The following BBS7 variants were observed in gnomAD, a reference collection of about 807,000 sequenced individuals.
BBS7 encodes BBSome complex member BBS7.
BBS7 carries 50 observed loss-of-function variants against 90.3 expected under a neutral mutation model. The ratio of observed to expected loss-of-function variants is 0.55; its 90% CI spans 0.44 to 0.70. BBS7 has a LOEUF of 0.70. BBS7 is among the 30% of genes least tolerant of loss of function. BBS7 has a pLI of 0.00. For synonymous variants in BBS7, 235 were observed against 287.4 expected (o/e 0.82, Z 1.85); for missense variants, 729 against 838.9 (o/e 0.87, Z 1.62).
At chr4:121,853,232 C>T (rs1231548921) in intron 7 of BBS7, 146 bp from the exon 8 acceptor site, 3 of 735,058 alleles carry the variant, frequency 4.1e-6, no homozygotes, top group Non-Finnish European at 6.9e-6. Context: ...CTTCTCTTGT[C>T]CATCCACATT....
At chr4:121,856,970 T>C (rs182181839) in intron 5 of BBS7, among the ~76,000 whole-genome samples, 401 of 152,194 alleles carry the variant, frequency 2.6e-3, no homozygotes, top group African/African-American at 9.0e-3. Context: ...AGTTTCACCA[T>C]GTTGGCCAGA....
At chr4:121,827,486 C>T (rs1370148325) in intron 18 of BBS7, among the ~76,000 whole-genome samples, 1 of 152,198 alleles carries the variant, frequency 6.6e-6, no homozygotes, top group Non-Finnish European at 1.5e-5. Context: ...TACCACCTAC[C>T]TTGCAGAGCT....
intron 4 of BBS7, chr4:121,861,242 A>AT: frequency 6.5e-6 from 2 of 307,368 alleles, no homozygotes; most frequent in Non-Finnish European, 6.0e-6. Flanking sequence ...TTTATTTTCA[A>AT]TTTTTTTGAT....
At position 121,853,093 on chromosome 4, in the gene BBS7, A is replaced by G. The variant is rs2149077349; in HGVS notation, c.719-7T>C. ...CTGTCAATACACAAAATACCTTTAA[A>G]AAGAGATATGTGATAAGTTATTAAG... is the stretch of plus-strand genomic sequence containing the variant. On this transcript the variant is annotated splice_region_variant and splice_polypyrimidine_tract_variant and intron_variant, in intron 7 of 18. Transcript: ENST00000264499. 1 of 1,612,454 alleles carries G rather than the reference A, an allele frequency of 6.2e-7. No individual in the cohort carries two copies. Among genetic ancestry groups the G allele is most frequent in the Non-Finnish European group, 8.5e-7 (1 of 1,178,576 alleles).
intron 10 of BBS7, among the ~76,000 whole-genome samples, chr4:121,846,725 C>CTAGTACTT (rs1726030299): frequency 6.6e-6 from 1 of 152,178 alleles, no homozygotes; most frequent in Admixed American, 6.5e-5. Context: ...GCTTGTGCTA[C>CTAGTACTT]TAGTACTTGT....
chr4:121,825,767 A>C lies in BBS7; in HGVS notation c.*93T>G. On this transcript the variant is annotated 3_prime_UTR_variant, in exon 19 of 19. Transcript: ENST00000264499. Reference sequence around the variant, plus strand: ...ATTTTTAGATATAAAAAAGCATTTGAAATTAAAGTACATACACAGTTAACT... The same window carrying C: ...ATTTTTAGATATAAAAAAGCATTTGCAATTAAAGTACATACACAGTTAACT... The C allele has an allele frequency of 7.8e-7, 1 of 1,284,822 alleles. No homozygotes were observed. 79.6% of individuals were successfully genotyped at this position (1,284,822 alleles called of 1,614,324 possible). A position where few individuals can be genotyped will look rare whatever the true frequency, so the allele number is the denominator to read the frequency against.
At position 121,861,541 on chromosome 4, in the gene BBS7, A is replaced by C. The variant is rs1726976379; in HGVS notation, c.304T>G (p.Ser102Ala). ...CTTTCAGTGAGGTTTGTTTCAAAGG[A>C]GAGGAACTGTTTTCCTCTTTTTGTG... is the stretch of plus-strand genomic sequence containing the variant. ...GFTKRGKQFL[S>A]FETNLTESIK... Residue 102 changes from serine (S) to alanine (A), a missense_variant, in exon 4 of 19, where the codon TCC (serine) becomes GCC (alanine). Coordinates refer to ENST00000264499, the MANE Select transcript of BBS7 (RefSeq NM_176824.3). The C allele has an allele frequency of 6.2e-7, 1 of 1,613,770 alleles. No individual in the cohort carries two copies. The highest frequency in any genetic ancestry group is 8.5e-7 in the Non-Finnish European group (1 of 1,179,754).
rs147423989 is a variant in BBS7 at position 121,827,928 on chromosome 4, T to G, written c.2014+218A>C. On this transcript the variant is annotated intron_variant, in intron 18 of 18. Transcript: ENST00000264499. ...CAGTATACTTATTTCTTAATATACT[T>G]GCATTTTATCAAGTAAAAGAATTAA... The G allele has an allele frequency of 3.3e-4, 442 of 1,335,390 alleles. 6 individuals are homozygous for G. In the East Asian group the frequency reaches 0.012, roughly 35 times the overall value. 82.7% of individuals were successfully genotyped at this position (1,335,390 alleles called of 1,614,324 possible).
In BBS7 at chr4:121,828,393, T is replaced by A. The variant is rs1269851233; in HGVS notation, c.1890+9A>T. 6.2e-7 allele frequency: 1 copy of A among 1,609,634 alleles called. No individual in the cohort carries two copies. Among genetic ancestry groups the A allele is most frequent in the Admixed American group, 1.7e-5 (1 of 59,994 alleles). On this transcript the variant is annotated intron_variant, in intron 17 of 18. Coordinates refer to ENST00000264499, the MANE Select transcript of BBS7 (RefSeq NM_176824.3). ...ATAATCACCAGTCCACGACGACACA[T>A]GTACTTACTTTTAAAGCATCAATTA...
Position 121,833,289 on chromosome 4 carries a change from A to C in BBS7, c.1618T>G (p.Cys540Gly). The C allele has an allele frequency of 1.2e-6, 2 of 1,614,028 alleles. No homozygotes were observed. Among genetic ancestry groups the C allele is most frequent in the Non-Finnish European group, 1.7e-6 (2 of 1,179,944 alleles). The change falls in exon 15 of 19, where the codon TGT (cysteine) becomes GGT (glycine). Residue 540 changes from cysteine (C) to glycine (G), a missense_variant. Physicochemically the swap from Cys to Gly is radical, Grantham distance 159 (BLOSUM62 -3). Coordinates refer to ENST00000264499, the MANE Select transcript of BBS7 (RefSeq NM_176824.3). ...EVPEKPPAGE[C>G]VTFYFQNTFL... is the part of the protein sequence containing the mutation. ...GTGTTCTGAAAGTAAAATGTCACAC[A>C]TTCTCCTGCTGGAGGTTTTTCTGGA...
chr4:121,833,946 G>A (rs1013894564), intron 14 of BBS7, among the ~76,000 whole-genome samples: 1 of 152,090 alleles, frequency 6.6e-6, no homozygotes, highest in Admixed American at 6.6e-5. Context: ...TGAAGGCAAA[G>A]AATTGGGCTT....
Position 121,825,928 on chromosome 4 carries a change from G to T in BBS7, c.2080C>A (p.Pro694Thr), listed in dbSNP as rs752107050. The change falls in exon 19 of 19, where the codon CCC (proline) becomes ACC (threonine). Residue 694 changes from proline to threonine, a missense_variant. Physicochemically the swap from Pro to Thr is conservative, Grantham distance 38 (BLOSUM62 -1). Coordinates refer to ENST00000264499, the MANE Select transcript of BBS7 (RefSeq NM_176824.3). Reference sequence around the variant, plus strand: ...CTGTCCAGAATTTCCAATAGAAGGGGTACTTTAGTTTTTACATTGGTGCCT... The same window carrying T: ...CTGTCCAGAATTTCCAATAGAAGGGTTACTTTAGTTTTTACATTGGTGCCT... ...FKGTNVKTKV[P>T]LLLEILDSYD... 2 of 1,610,738 alleles carry T rather than the reference G, an allele frequency of 1.2e-6. No homozygotes were observed. Among genetic ancestry groups the T allele is most frequent in the African/African-American group, 2.7e-5 (2 of 74,846 alleles).
chr4:121,854,625 T>TA, intron 7 of BBS7, 79 bp downstream of exon 7: 1 of 1,378,324 alleles, frequency 7.3e-7, no homozygotes, highest in Non-Finnish European at 9.8e-7. Context: ...TATAAATAGA[T>TA]AAAATAGAAT....
intron 10 of BBS7, among the ~76,000 whole-genome samples, chr4:121,846,008 C>T (rs1415959116): frequency 6.6e-6 from 1 of 152,092 alleles, no homozygotes; most frequent in African/African-American, 2.4e-5. Flanking sequence ...ACATAAAGTA[C>T]TAATCAGAAG....
At chr4:121,843,106 A>T (rs1019203143) in intron 12 of BBS7, among the ~76,000 whole-genome samples, 1 of 152,190 alleles carries the variant, frequency 6.6e-6, no homozygotes, top group African/African-American at 2.4e-5. Flanking sequence ...TTTGGCAGAA[A>T]TAATGTGCAT....
rs566473677 is a variant in BBS7, at chr4:121,870,435, A to T, written c.-122T>A. 378 of 1,156,182 alleles carry T rather than the reference A, an allele frequency of 3.3e-4. No individual in the cohort carries two copies. Among genetic ancestry groups the T allele is most frequent in the African/African-American group, 2.6e-3 (172 of 65,784 alleles). The allele number at this position is 1,156,182 out of a possible 1,614,324, so 71.6% of individuals were successfully genotyped here. On this transcript the variant is annotated 5_prime_UTR_variant, in exon 1 of 19. Coordinates refer to ENST00000264499, the MANE Select transcript of BBS7 (RefSeq NM_176824.3). ...CGCCCCTCAAAAGCCAGCCCCAGCT[A>T]CCGCGCCTAGGTCCTGGGCTGCACA...
At chr4:121,836,387 A>G (rs372408533) in intron 13 of BBS7, among the ~76,000 whole-genome samples, 7 of 152,106 alleles carry the variant, frequency 4.6e-5, no homozygotes, top group South Asian at 2.1e-4. Flanking sequence ...ATAACTGGCT[A>G]TATCAGACAG....
intron 11 of BBS7, 135 bp downstream of exon 11, chr4:121,845,369 A>AAAAAAT (rs746301793): frequency 3.1e-4 from 153 of 494,538 alleles, no homozygotes; most frequent in African/African-American, 2.7e-3. Flanking sequence ...CTCTGTCTCA[A>AAAAAAT]AAAAATAAAA....
At chr4:121,870,064 T>C (rs1452358717) in intron 1 of BBS7, among the ~76,000 whole-genome samples, 2 of 152,098 alleles carry the variant, frequency 1.3e-5, no homozygotes, top group African/African-American at 4.8e-5. Context: ...GCCAGTACCG[T>C]GGGGGCTTGT....
Sources: gnomAD v4.1 joint callset for allele counts (sites outside exome capture counted in the v4.1 genomes callset) on GRCh38, gnomAD v4.1.1 for gene constraint, MANE v1.5 for transcripts, NCBI Gene and HGNC (gene_info 2026-07-23, HGNC 2026-07-21) for gene names.